PKD1: variants seen among roughly 807,000 people sequenced by gnomAD.
PKD1 encodes the protein polycystin 1, transient receptor potential channel interacting.
In PKD1, 81 loss-of-function variants were observed where a neutral mutation model predicts 361.7. The ratio of observed to expected loss-of-function variants is 0.22; its 90% CI spans 0.19 to 0.27. The LOEUF (loss-of-function observed/expected upper bound fraction) is 0.27. PKD1 is among the 10% of genes least tolerant of loss of function. PKD1 has a pLI of 1.00. For missense variants in PKD1, 6,399 were observed against 6,118.3 expected (o/e 1.05, Z -1.53); for synonymous variants, 3,615 against 2,818.3 (o/e 1.28, Z -8.95).
intron 22 of PKD1, among the ~76,000 whole-genome samples, chr16:2,104,241 G>A (rs1264877325): frequency 2.6e-4 from 13 of 49,988 alleles, no homozygotes; most frequent in Non-Finnish European, 2.5e-4. Context: ...GGAAGATGAG[G>A]GGAATGGACA....
chr16:2,103,026 C>T lies in PKD1; in HGVS notation c.8792-56G>A, dbSNP rs562879390. The T allele has an allele frequency of 5.7e-6, 9 of 1,573,820 alleles. No homozygotes were observed. In the South Asian group the frequency reaches 7.7e-5, roughly 14 times the overall value. On this transcript the variant is annotated intron_variant, in intron 23 of 45. Transcript: ENST00000262304. The stretch of plus-strand genomic sequence containing the variant: ...CCGGGAAGCTCAACCACCCGGGGGA[C>T]ACCCACGATGGCCCTCCTGAGCCCA...
Position 2,091,817 on chromosome 16 carries a change from A to G in PKD1, c.11501T>C (p.Leu3834Pro). The change falls in exon 41 of 46, where the codon CTG becomes CCG. Residue 3834 changes from leucine to proline, a missense_variant. Leu to Pro is a moderately conservative substitution (Grantham distance 98, BLOSUM62 -3). Coordinates refer to ENST00000262304, the MANE Select transcript of PKD1 (RefSeq NM_001009944.3). ...CCAGTTGTGCAGCTGCAGGAAGCGC[A>G]GCCGGTCGCGGCTCTCCTCCAGGCT... Reference protein sequence around the residue: ...GLSLEESRDRLRFLQLHNWLD... With the variant: ...GLSLEESRDRPRFLQLHNWLD... 6.2e-7 allele frequency: 1 copy of G among 1,610,566 alleles called. No homozygotes were observed. Among genetic ancestry groups the G allele is most frequent in the Non-Finnish European group, 8.5e-7 (1 of 1,179,346 alleles).
chr16:2,120,308 A>G (rs1441475958), intron 1 of PKD1: 5 of 160,226 alleles, frequency 3.1e-5, no homozygotes, highest in Admixed American at 2.6e-4. Context: ...CAAAATATAA[A>G]TAAAATTAGA....
In PKD1 at chr16:2,089,389, G is replaced by A. The variant is rs987859249; in HGVS notation, c.*338C>T. 7.2e-6 allele frequency: 3 copies of A among 415,520 alleles called. No homozygotes were observed. The highest frequency in any genetic ancestry group is 4.0e-5 in the African/African-American group (2 of 49,918). 25.7% of individuals were successfully genotyped at this position (415,520 alleles called of 1,614,324 possible). ...TGCAGGCTAACCCTCCCTGAAGCCA[G>A]CAGCCTTAGCAGTGGGGGACATCTG... On this transcript the variant is annotated 3_prime_UTR_variant, in exon 46 of 46. Coordinates refer to ENST00000262304, the MANE Select transcript of PKD1 (RefSeq NM_001009944.3).
rs535201517 is a variant in PKD1, at chr16:2,105,939, G to T, written c.7789C>A (p.Pro2597Thr). Residue 2597 changes from proline (P) to threonine (T), a missense_variant, in exon 20 of 46, where the codon CCA becomes ACA. Physicochemically the swap from Pro to Thr is conservative, Grantham distance 38. Transcript: ENST00000262304. ...GGATCGGCCTGCCGCAGCAGCCCTG[G>T]GAGCACACTAGCGGTGAGCCCGTGC... ...WLHGLTASVL[P>T]GLLRQADPQH... The T allele has an allele frequency of 6.3e-7, 1 of 1,598,388 alleles. No homozygotes were observed. The highest frequency in any genetic ancestry group is 8.5e-7 in the Non-Finnish European group (1 of 1,179,654).
At position 2,090,796 on chromosome 16, in the gene PKD1, G is replaced by A; in HGVS notation, c.12016C>T (p.Leu4006=). 1 of 1,612,536 alleles carries A rather than the reference G, an allele frequency of 6.2e-7. No individual in the cohort carries two copies. Among genetic ancestry groups the A allele is most frequent in the Non-Finnish European group, 8.5e-7 (1 of 1,179,944 alleles). Residue 4006 remains leucine (L), a synonymous_variant, in exon 44 of 46, where the codon CTA becomes TTA. Transcript: ENST00000262304. ...ACGGACCACTGGCGCACGAAGCGTA[G>A]CTGCTGGGCAGCCTGCGGACGAGAA... The part of the protein sequence containing the change: ...FLLLVKAAQQ[L]RFVRQWSVFG...
chr16:2,097,343 G>A lies in PKD1; in HGVS notation c.10381C>T (p.Pro3461Ser), dbSNP rs569222960. 4 of 1,612,706 alleles carry A rather than the reference G, an allele frequency of 2.5e-6. No homozygotes were observed. In the African/African-American group the frequency reaches 5.3e-5, roughly 21 times the overall value. ...DGFSLASPYSPAKSFSASDED... is the reference protein window; with the variant it reads ...DGFSLASPYSSAKSFSASDED... ...CCTGATGCTGAGAAGGATTTGGCAG[G>A]CGAGTAGGGGCTGGCCAGGGAGAAG... is the stretch of plus-strand genomic sequence containing the variant. The change falls in exon 33 of 46, where the codon CCT becomes TCT. Residue 3461 changes from proline to serine, a missense_variant. Physicochemically the swap from Pro to Ser is moderately conservative, Grantham distance 74. Transcript: ENST00000262304.
Position 2,135,823 on chromosome 16 carries a change from G to A in PKD1, c.-134C>T. On this transcript the variant is annotated 5_prime_UTR_variant, in exon 1 of 46. Coordinates refer to ENST00000262304, the MANE Select transcript of PKD1 (RefSeq NM_001009944.3). The stretch of plus-strand genomic sequence containing the variant: ...GGCTGCGGCCGCGACCTGCTGCTGA[G>A]CGACGCCCGCTCGGGGCTCGGGGCC... 1 of 327,670 alleles carries A rather than the reference G, an allele frequency of 3.1e-6. No homozygotes were observed. 20.3% of individuals were successfully genotyped at this position (327,670 alleles called of 1,614,324 possible). A position where few individuals can be genotyped will look rare whatever the true frequency, so the allele number is the denominator to read the frequency against.
Position 2,100,540 on chromosome 16 carries a change from G to C in PKD1, c.9424C>G (p.Leu3142Val). Residue 3142 changes from leucine to valine, a missense_variant, in exon 27 of 46, where the codon CTG becomes GTG. Coordinates refer to ENST00000262304, the MANE Select transcript of PKD1 (RefSeq NM_001009944.3). The surrounding 1 kb of genome is among the most constrained non-coding windows in gnomAD (Gnocchi z 4.4). The part of the protein sequence containing the change: ...SGTTAHVGIM[L>V]YGVDSRSGHR... The stretch of plus-strand genomic sequence containing the variant: ...CCGCTCCGGCTGTCCACCCCATACA[G>C]CATGATGCCCACGTGGGCCGTGGTA... The C allele has an allele frequency of 1.9e-6, 3 of 1,610,574 alleles. No homozygotes were observed. The highest frequency in any genetic ancestry group is 2.5e-6 in the Non-Finnish European group (3 of 1,179,696).
rs2091924781 is a variant in PKD1 at position 2,098,160 on chromosome 16, G to T, written c.10051-176C>A. 6.6e-6 allele frequency: 4 copies of T among 606,620 alleles called. No homozygotes were observed. The Admixed American group carries it at 1.1e-4, about 17-fold the overall frequency. 37.6% of individuals were successfully genotyped at this position (606,620 alleles called of 1,614,324 possible). ...GTGATGGCAGCCCCTCGCGACGTGT[G>T]CCACTGAACACTTGACAGCAGACTG... is the stretch of plus-strand genomic sequence containing the variant. On this transcript the variant is annotated intron_variant, in intron 30 of 45. Coordinates refer to ENST00000262304, the MANE Select transcript of PKD1 (RefSeq NM_001009944.3).
Position 2,088,859 on chromosome 16 carries a change from GCACACTCGCGCGTGCGCGCGCGCACA to G in PKD1, c.*842_*867del, listed in dbSNP as rs928885380. The G allele has an allele frequency of 1.4e-4, 77 of 553,460 alleles. No homozygotes were observed. Among genetic ancestry groups the G allele is most frequent in the African/African-American group, 1.4e-3 (66 of 47,962 alleles). 34.3% of individuals were successfully genotyped at this position (553,460 alleles called of 1,614,324 possible). ...GCCTTGAGGCTGCCTGGGCCATACA[GCACACTCGCGCGTGCGCGCGCGCACA>G]CACACACACACACAGTCACCTTCCT... On this transcript the variant is annotated 3_prime_UTR_variant, in exon 46 of 46. Transcript: ENST00000262304.
intron 25 of PKD1, 37 bp from the exon 26 acceptor site, chr16:2,102,293 T>C: frequency 6.8e-7 from 1 of 1,470,874 alleles, no homozygotes; most frequent in Admixed American, 1.9e-5. Flanking sequence ...GGAGGTCACG[T>C]GCAAGCTGTG....
rs2369055 is a variant in PKD1, at chr16:2,135,351, C to G, written c.215+124G>C. ...TCCTTATTTAGCAGGGCCGCCGTGCCGCGCCGGAGCCTCGCCCTGGGAGCG... is the reference window on the plus strand; with the variant it reads ...TCCTTATTTAGCAGGGCCGCCGTGCGGCGCCGGAGCCTCGCCCTGGGAGCG... On this transcript the variant is annotated intron_variant, in intron 1 of 45. Transcript: ENST00000262304. The G allele has an allele frequency of 3.7e-6, 4 of 1,066,986 alleles. No individual in the cohort carries two copies. In the South Asian group the frequency reaches 1.8e-4, roughly 48 times the overall value. 66.1% of individuals were successfully genotyped at this position (1,066,986 alleles called of 1,614,324 possible). A position where few individuals can be genotyped will look rare whatever the true frequency, so the allele number is the denominator to read the frequency against.
intron 21 of PKD1, 42 bp from the exon 22 acceptor site, chr16:2,104,684 C>G (rs1567180744): frequency 2.5e-6 from 3 of 1,204,380 alleles, no homozygotes; most frequent in Non-Finnish European, 3.6e-6. Flanking sequence ...CCTGGCCCCA[C>G]TCCTTGCACA....
chr16:2,094,071 C>A (rs781106253), intron 35 of PKD1, 21 bp downstream of exon 35: 1 of 1,587,310 alleles, frequency 6.3e-7, no homozygotes, highest in South Asian at 1.1e-5. Context: ...CTAGGGGCAT[C>A]CCGGGGCTAC....
At chr16:2,093,507 CGGAGGTGGCAGG>C in intron 37 of PKD1, 25 bp downstream of exon 37, 1 of 1,560,820 alleles carries the variant, frequency 6.4e-7, no homozygotes, top group Non-Finnish European at 8.7e-7. Flanking sequence ...AGACAAGAGA[CGGAGGTGGCAGG>C]GGCACAGGCC....
intron 41 of PKD1, 74 bp from the exon 42 acceptor site, chr16:2,091,671 G>A (rs577656201): frequency 6.4e-7 from 1 of 1,560,600 alleles, no homozygotes; most frequent in Non-Finnish European, 8.6e-7. Context: ...TGCAGGCGTG[G>A]CTGAGGGGCT....
intron 1 of PKD1, among the ~76,000 whole-genome samples, chr16:2,134,666 T>A (rs2092929029): frequency 6.6e-6 from 1 of 151,052 alleles, no homozygotes. Context: ...TCCTCATCTG[T>A]GAAATGCAAA....
Position 2,089,488 on chromosome 16 carries a change from G to C in PKD1, c.*239C>G, listed in dbSNP as rs1412197969. On this transcript the variant is annotated 3_prime_UTR_variant, in exon 46 of 46. Transcript: ENST00000262304. Reference sequence around the variant, plus strand: ...AAATAAATTAGCATCTCAGAGGCTAGAAACCGTCCAATACTGCTGTGTCCT... The same window carrying C: ...AAATAAATTAGCATCTCAGAGGCTACAAACCGTCCAATACTGCTGTGTCCT... 6 of 580,292 alleles carry C rather than the reference G, an allele frequency of 1.0e-5. No individual in the cohort carries two copies. The highest frequency in any genetic ancestry group is 1.5e-5 in the Non-Finnish European group (5 of 326,298). 35.9% of individuals were successfully genotyped at this position (580,292 alleles called of 1,614,324 possible). A position where few individuals can be genotyped will look rare whatever the true frequency, so the allele number is the denominator to read the frequency against.
Sources: gnomAD v4.1 joint callset for allele counts (sites outside exome capture counted in the v4.1 genomes callset) on GRCh38, gnomAD v4.1.1 for gene constraint, Gnocchi (gnomAD v3.1) non-coding constraint, MANE v1.5 for transcripts, NCBI Gene and HGNC (gene_info 2026-07-23, HGNC 2026-07-21) for gene names.